Variants in EIF3K observed in about 807,000 individuals in gnomAD.
EIF3K encodes the protein eIF-3 p28.
Under a neutral mutation model 34.2 loss-of-function variants are expected in EIF3K, and 27 were observed. That is an observed-to-expected ratio of 0.79 (90% CI 0.58 to 1.09). The LOEUF (loss-of-function observed/expected upper bound fraction) is 1.09. EIF3K is among the 50% of genes least tolerant of loss of function. The probability of loss-of-function intolerance (pLI) is 0.00; values close to 1 mark genes in which losing one functional copy is unlikely to be tolerated. For missense variants in EIF3K, 232 were observed against 275.4 expected, an observed-to-expected ratio of 0.84 and a Z score of 1.11; for synonymous variants, 105 against 105.7, an observed-to-expected ratio of 0.99 and a Z score of 0.04.
chr19:38,623,037 C>T (rs1975876673), intron 2 of EIF3K, among the ~76,000 whole-genome samples: 1 of 152,160 alleles, frequency 6.6e-6, no homozygotes, highest in African/African-American at 2.4e-5. Flanking sequence ...ATTACAGGGT[C>T]CTGGAACGAT....
chr19:38,634,859 G>A (rs1976154878), intron 6 of EIF3K, 134 bp from the exon 7 acceptor site: 1 of 1,307,812 alleles, frequency 7.6e-7, no homozygotes, highest in Non-Finnish European at 1.0e-6. Flanking sequence ...CAGGCCAGCT[G>A]CTGCTGTCCA....
intron 2 of EIF3K, among the ~76,000 whole-genome samples, chr19:38,621,213 A>T (rs1032187984): frequency 1.3e-5 from 2 of 151,578 alleles, no homozygotes; most frequent in African/African-American, 2.4e-5. Context: ...AAAAAAAAAA[A>T]AAAAGAATTA....
Position 38,636,874 on chromosome 19 carries a change from T to G in EIF3K, c.626-15T>G, listed in dbSNP as rs768869837. 4 of 1,614,048 alleles carry G rather than the reference T, an allele frequency of 2.5e-6. No homozygotes were observed. The highest frequency in any genetic ancestry group is 2.7e-5 in the African/African-American group (2 of 74,916). ...CGCCCTTCTCACCTTCAGTCTGGTC[T>G]CTCCTTCCCCACAGGTGTGTCCAGC... is the stretch of plus-strand genomic sequence containing the variant. On this transcript the variant is annotated splice_polypyrimidine_tract_variant and intron_variant, in intron 7 of 7. Transcript: ENST00000248342.
At chr19:38,625,969 G>A (rs1362311904) in intron 3 of EIF3K, 59 bp from the exon 4 acceptor site, 17 of 1,516,274 alleles carry the variant, frequency 1.1e-5, no homozygotes, top group Non-Finnish European at 1.5e-5. Flanking sequence ...GGGGAGGGGT[G>A]ATCTGGGGTC....
In EIF3K at chr19:38,627,393, G is replaced by A. The variant is rs1191540548; in HGVS notation, c.354+1291G>A. ...AGAATTCAGCCCCTGGCTGGCCACG[G>A]TGGCTCAACGCCTGTAATCCCAGCA... On this transcript the variant is annotated intron_variant, in intron 4 of 7. Transcript: ENST00000248342. 7.9e-5 allele frequency among the ~76,000 whole-genome samples: 12 copies of A among 152,070 alleles called. No homozygotes were observed. In the East Asian group the frequency reaches 2.3e-3, roughly 30 times the overall value.
intron 7 of EIF3K, 134 bp downstream of exon 7, chr19:38,635,252 A>G: frequency 1.5e-6 from 2 of 1,311,910 alleles, no homozygotes; most frequent in Non-Finnish European, 2.1e-6. Context: ...GCCAGATTCC[A>G]TTCACCTTGT....
At chr19:38,633,669 G>A (rs1352647483) in intron 6 of EIF3K, among the ~76,000 whole-genome samples, 1 of 148,942 alleles carries the variant, frequency 6.7e-6, no homozygotes, top group Non-Finnish European at 1.5e-5. Context: ...TTGCACTAGT[G>A]ATAAGATCGA....
chr19:38,623,304 C>T lies in EIF3K; in HGVS notation c.159-773C>T, dbSNP rs138986594. On this transcript the variant is annotated intron_variant, in intron 2 of 7. Transcript: ENST00000248342. The stretch of plus-strand genomic sequence containing the variant: ...CCTCCGTTTGGGGTCCCTGACTTCC[C>T]GCAACAGGTACGCACCACCATACCC... 9.0e-3 allele frequency among the ~76,000 whole-genome samples: 1,366 copies of T among 152,280 alleles called. 22 individuals carry two copies. Among genetic ancestry groups the T allele is most frequent in the African/African-American group, 0.031 (1,303 of 41,552 alleles).
intron 4 of EIF3K, among the ~76,000 whole-genome samples, chr19:38,631,312 TC>T (rs1360119352): frequency 6.6e-6 from 1 of 152,008 alleles, no homozygotes; most frequent in Non-Finnish European, 1.5e-5. Context: ...TATTTATTGA[TC>T]ATTATTGGGT....
chr19:38,630,090 AC>A (rs1976028981), intron 4 of EIF3K, among the ~76,000 whole-genome samples: 1 of 151,524 alleles, frequency 6.6e-6, no homozygotes. Flanking sequence ...GATATAACTT[AC>A]ATCACATGGC....
At chr19:38,631,991 G>A (rs935457990) in intron 4 of EIF3K, 16 of 190,442 alleles carry the variant, frequency 8.4e-5, no homozygotes, top group South Asian at 6.1e-4. Flanking sequence ...AGCATCTCAA[G>A]GCAGAAGAAT....
chr19:38,636,888 G>A lies in EIF3K; in HGVS notation c.626-1G>A. ...TCAGTCTGGTCTCTCCTTCCCCACAGGTGTGTCCAGCATCATGGCCTCCTC... is the reference window on the plus strand; with the variant it reads ...TCAGTCTGGTCTCTCCTTCCCCACAAGTGTGTCCAGCATCATGGCCTCCTC... On this transcript the variant is annotated splice_acceptor_variant, in intron 7 of 7. Coordinates refer to ENST00000248342, the MANE Select transcript of EIF3K (RefSeq NM_013234.4). LOFTEE classifies it high-confidence loss of function. 1.9e-6 allele frequency: 3 copies of A among 1,614,134 alleles called. No homozygotes were observed. The highest frequency in any genetic ancestry group is 1.1e-5 in the South Asian group (1 of 91,076).
intron 3 of EIF3K, among the ~76,000 whole-genome samples, chr19:38,624,611 A>G (rs1251424217): frequency 6.6e-6 from 1 of 152,092 alleles, no homozygotes; most frequent in Non-Finnish European, 1.5e-5. Context: ...AGTGGCACAC[A>G]CCTATAGTCC....
chr19:38,625,599 T>TCCC (rs1350166179), intron 3 of EIF3K, among the ~76,000 whole-genome samples: 2 of 150,814 alleles, frequency 1.3e-5, no homozygotes, highest in East Asian at 1.9e-4. Flanking sequence ...AACCTCCTCC[T>TCCC]CCCGGGTTCA....
rs1975951300 is a variant in EIF3K, at chr19:38,626,345, CA to C, written c.354+244del. The C allele has an allele frequency of 5.8e-6, 3 of 515,310 alleles. No homozygotes were observed. The East Asian group carries it at 9.5e-5, about 16-fold the overall frequency. The allele number at this position is 515,310 out of a possible 1,614,324, so 31.9% of individuals were successfully genotyped here. A position where few individuals can be genotyped will look rare whatever the true frequency, so the allele number is the denominator to read the frequency against. Reference sequence around the variant, plus strand: ...CATCTTTCCACTGAGCCCTCTAGTACACACCGTTGATCAGAAGTCCTCCAGT... The same window carrying C: ...CATCTTTCCACTGAGCCCTCTAGTACCACCGTTGATCAGAAGTCCTCCAGT... On this transcript the variant is annotated intron_variant, in intron 4 of 7. Transcript: ENST00000248342.
In EIF3K at chr19:38,636,885, A is replaced by G; in HGVS notation, c.626-4A>G. 6.2e-7 allele frequency: 1 copy of G among 1,614,020 alleles called. No individual in the cohort carries two copies. The highest frequency in any genetic ancestry group is 8.5e-7 in the Non-Finnish European group (1 of 1,179,998). On this transcript the variant is annotated splice_polypyrimidine_tract_variant and splice_region_variant and intron_variant, in intron 7 of 7. Transcript: ENST00000248342. ...CCTTCAGTCTGGTCTCTCCTTCCCCACAGGTGTGTCCAGCATCATGGCCTC... is the reference window on the plus strand; with the variant it reads ...CCTTCAGTCTGGTCTCTCCTTCCCCGCAGGTGTGTCCAGCATCATGGCCTC...
At chr19:38,620,303 T>G (rs768444402) in intron 1 of EIF3K, 34 bp from the exon 2 acceptor site, 4 of 1,596,586 alleles carry the variant, frequency 2.5e-6, no homozygotes, top group African/African-American at 2.7e-5. Context: ...AGCTTCTGTC[T>G]CCTCTGTGCT....
Position 38,619,450 on chromosome 19 carries a change from G to A in EIF3K, c.59+123G>A, listed in dbSNP as rs1975788604. ...GGGGTGGGGTTTCTCTATCCTCCTGGAGGAGGAGATGCTTAAAGAAACGGC... is the reference window on the plus strand; with the variant it reads ...GGGGTGGGGTTTCTCTATCCTCCTGAAGGAGGAGATGCTTAAAGAAACGGC... On this transcript the variant is annotated intron_variant, in intron 1 of 7. Coordinates refer to ENST00000248342, the MANE Select transcript of EIF3K (RefSeq NM_013234.4). 4.6e-6 allele frequency: 5 copies of A among 1,080,434 alleles called. No individual in the cohort carries two copies. The South Asian group carries it at 5.5e-5, about 12-fold the overall frequency. The allele number at this position is 1,080,434 out of a possible 1,614,324, so 66.9% of individuals were successfully genotyped here. A position where few individuals can be genotyped will look rare whatever the true frequency, so the allele number is the denominator to read the frequency against.
intron 4 of EIF3K, 130 bp downstream of exon 4, chr19:38,626,232 T>C (rs998975718): frequency 1.2e-6 from 1 of 853,390 alleles, no homozygotes; most frequent in African/African-American, 1.7e-5. Context: ...CATGTGTGTG[T>C]TTGTGGAATT....
Sources: gnomAD v4.1 joint callset for allele counts (sites outside exome capture counted in the v4.1 genomes callset) on GRCh38, gnomAD v4.1.1 for gene constraint, MANE v1.5 for transcripts, NCBI Gene and HGNC (gene_info 2026-07-23, HGNC 2026-07-21) for gene names.